Variants in ACAD11 observed in about 807,000 individuals in gnomAD.
ACAD11 encodes the protein acyl-CoA dehydrogenase family member 11.
ACAD11 carries 83 observed loss-of-function variants against 102.2 expected under a neutral mutation model. The ratio of observed to expected loss-of-function variants is 0.81; its 90% CI spans 0.68 to 0.97. The LOEUF is 0.97. Ranked by LOEUF, ACAD11 falls within the 50% of genes least tolerant of loss-of-function variation. ACAD11 has a pLI of 0.00. For synonymous variants in ACAD11, 324 were observed against 319.8 expected (o/e 1.01, Z -0.14); for missense variants, 901 against 951.7 (o/e 0.95, Z 0.70).
intron 9 of ACAD11, among the ~76,000 whole-genome samples, chr3:132,623,528 T>A (rs998581846): frequency 2.6e-5 from 4 of 152,056 alleles, no homozygotes; most frequent in Admixed American, 2.6e-4. Context: ...TTTTTCAATT[T>A]TTTTAAAAGA....
rs543258544 is a variant in ACAD11 at position 132,585,862 on chromosome 3, G to A, written c.1622-6304C>T. On this transcript the variant is annotated intron_variant, in intron 13 of 19. Coordinates refer to ENST00000264990, the MANE Select transcript of ACAD11 (RefSeq NM_032169.5). ...AACAACAGGTGCTGGAGAGGATGTG[G>A]AGAAACAGGAACACTTTTACACTGT... is the stretch of plus-strand genomic sequence containing the variant. Among the ~76,000 whole-genome samples the A allele has an allele frequency of 1.4e-4, 21 of 152,284 alleles. No individual in the cohort carries two copies. The South Asian group carries it at 3.9e-3, about 29-fold the overall frequency.
intron 16 of ACAD11, 150 bp downstream of exon 16, chr3:132,576,794 C>A: frequency 1.6e-6 from 1 of 613,904 alleles, no homozygotes; most frequent in Non-Finnish European, 2.8e-6. Flanking sequence ...AAAGTAATTG[C>A]AGTTCAAAAA....
chr3:132,638,642 A>C (rs545760352), intron 5 of ACAD11, among the ~76,000 whole-genome samples: 1 of 152,348 alleles, frequency 6.6e-6, no homozygotes, highest in East Asian at 1.9e-4. Flanking sequence ...ATAGAGACTC[A>C]ATATTATGTA....
chr3:132,566,845 T>C (rs1173805212), intron 17 of ACAD11, among the ~76,000 whole-genome samples: 1 of 152,120 alleles, frequency 6.6e-6, no homozygotes, highest in Admixed American at 6.5e-5. Context: ...AAGAACACAA[T>C]AAGCAAAAAT....
intron 15 of ACAD11, 78 bp from the exon 16 acceptor site, chr3:132,577,093 T>C: frequency 1.2e-6 from 1 of 856,312 alleles, no homozygotes; most frequent in Non-Finnish European, 1.9e-6. Flanking sequence ...TGCTGAAATA[T>C]AATTACTTGA....
At chr3:132,636,654 C>A (rs1318214594) in intron 5 of ACAD11, among the ~76,000 whole-genome samples, 5 of 152,122 alleles carry the variant, frequency 3.3e-5, no homozygotes, top group Non-Finnish European at 1.5e-5. Context: ...GAAGCATGGT[C>A]AGTCACAATC....
At chr3:132,577,365 CA>C (rs1405351393) in intron 15 of ACAD11, among the ~76,000 whole-genome samples, 2 of 152,076 alleles carry the variant, frequency 1.3e-5, no homozygotes, top group African/African-American at 4.8e-5. Flanking sequence ...TATGGGGTTC[CA>C]AACAATTTGC....
At chr3:132,633,264 T>C (rs1250842059) in intron 5 of ACAD11, among the ~76,000 whole-genome samples, 1 of 152,184 alleles carries the variant, frequency 6.6e-6, no homozygotes, top group Non-Finnish European at 1.5e-5. Context: ...ACCTAATTTA[T>C]TGAGAGTTTT....
intron 17 of ACAD11, among the ~76,000 whole-genome samples, chr3:132,567,906 T>C (rs776619898): frequency 2.0e-5 from 3 of 152,154 alleles, no homozygotes; most frequent in Non-Finnish European, 4.4e-5. Flanking sequence ...ATGTATATCA[T>C]AAAAGAATAA....
At chr3:132,565,947 C>T (rs1937196143) in intron 17 of ACAD11, among the ~76,000 whole-genome samples, 1 of 152,096 alleles carries the variant, frequency 6.6e-6, no homozygotes, top group Non-Finnish European at 1.5e-5. Flanking sequence ...TATAAATCAC[C>T]CAGTCTCAGG....
intron 17 of ACAD11, among the ~76,000 whole-genome samples, chr3:132,574,977 G>A (rs1421462276): frequency 6.6e-6 from 1 of 152,102 alleles, no homozygotes; most frequent in Non-Finnish European, 1.5e-5. Context: ...TGGGACTACA[G>A]GTGCACATCG....
At chr3:132,604,803 T>C (rs1396403533) in intron 12 of ACAD11, among the ~76,000 whole-genome samples, 2 of 152,192 alleles carry the variant, frequency 1.3e-5, no homozygotes, top group Admixed American at 1.3e-4. Context: ...TATTCATATA[T>C]AGCAATTTTA....
At chr3:132,605,069 A>G in intron 12 of ACAD11, 29 bp downstream of exon 12, 2 of 1,535,574 alleles carry the variant, frequency 1.3e-6, no homozygotes, top group East Asian at 2.3e-5. Flanking sequence ...GACTGACTAC[A>G]CAAGGAGAGA....
chr3:132,565,660 A>C (rs750079138), intron 17 of ACAD11, among the ~76,000 whole-genome samples: 3 of 152,238 alleles, frequency 2.0e-5, no homozygotes, highest in Non-Finnish European at 2.9e-5. Context: ...ATATTGAAAC[A>C]TGAAGGTGGA....
Position 132,605,164 on chromosome 3 carries a change from C to T in ACAD11, c.1456G>A (p.Glu486Lys). Residue 486 changes from glutamate (E) to lysine (K), a missense_variant, in exon 12 of 20, where the codon GAA becomes AAA. Physicochemically the swap from Glu to Lys is moderately conservative, Grantham distance 56 (BLOSUM62 1). Coordinates refer to ENST00000264990, the MANE Select transcript of ACAD11 (RefSeq NM_032169.5). ...MEVLHLYGSE[E>K]QKKQWLEPLL... ...GGCTCAAGCCACTGTTTCTTCTGTT[C>T]CTCACTTCCATACAGGTGCAGAACC... 6.2e-7 allele frequency: 1 copy of T among 1,613,640 alleles called. No individual in the cohort carries two copies. Among genetic ancestry groups the T allele is most frequent in the Non-Finnish European group, 8.5e-7 (1 of 1,179,638 alleles).
chr3:132,625,037 T>C (rs1939759939), intron 9 of ACAD11, among the ~76,000 whole-genome samples: 1 of 152,146 alleles, frequency 6.6e-6, no homozygotes, highest in Admixed American at 6.5e-5. Flanking sequence ...GCAAACACCA[T>C]TGCTATAACA....
intron 11 of ACAD11, among the ~76,000 whole-genome samples, chr3:132,612,808 G>C (rs1376955679): frequency 7.9e-5 from 12 of 152,056 alleles, no homozygotes; most frequent in Non-Finnish European, 1.6e-4. Context: ...CATTGTGGAA[G>C]TCAGTATGGC....
intron 13 of ACAD11, among the ~76,000 whole-genome samples, chr3:132,581,562 G>A (rs1372355449): frequency 6.6e-6 from 1 of 151,924 alleles, no homozygotes; most frequent in Non-Finnish European, 1.5e-5. Flanking sequence ...AAGTAAAGGT[G>A]CAATCTAGAG....
At chr3:132,559,618 C>T (rs1936986308) in intron 19 of ACAD11, among the ~76,000 whole-genome samples, 2 of 151,946 alleles carry the variant, frequency 1.3e-5, no homozygotes, top group South Asian at 4.2e-4. Context: ...TCAGTGGGAC[C>T]CCTCAGTGTA....
Sources: allele counts gnomAD v4.1 joint callset (sites outside exome capture counted in the v4.1 genomes callset), GRCh38; gene constraint gnomAD v4.1.1; transcripts MANE v1.5; gene names NCBI Gene and HGNC (gene_info 2026-07-23, HGNC 2026-07-21).